Variants in EIF2AK3 observed in about 807,000 individuals in gnomAD.
The protein encoded by EIF2AK3 is eukaryotic translation initiation factor 2-alpha kinase 3.
Under a neutral mutation model 113.5 loss-of-function variants are expected in EIF2AK3, and 50 were observed. That is an observed-to-expected ratio of 0.44 (90% CI 0.35 to 0.56). The LOEUF is 0.56. EIF2AK3 is among the 20% of genes least tolerant of loss of function. EIF2AK3 has a pLI of 0.00. For missense variants in EIF2AK3, 1,185 were observed against 1,378.0 expected, an observed-to-expected ratio of 0.86 and a Z score of 2.22; for synonymous variants, 448 against 495.4, an observed-to-expected ratio of 0.90 and a Z score of 1.27.
Position 88,579,543 on chromosome 2 carries a change from T to C in EIF2AK3, c.1861A>G (p.Ile621Val), listed in dbSNP as rs1674546798. 2.5e-6 allele frequency: 4 copies of C among 1,613,858 alleles called. No individual in the cohort carries two copies. Among genetic ancestry groups the C allele is most frequent in the Non-Finnish European group, 3.4e-6 (4 of 1,179,820 alleles). Residue 621 changes from isoleucine (I) to valine (V), a missense_variant, in exon 11 of 17, where the codon ATC becomes GTC. Transcript: ENST00000303236. ...CTATTGGGGAGACGGATCCTCTTGA[T>C]AGCATAATTGCAGTCATCTACTTTG... ...KNKVDDCNYAIKRIRLPNREL... is the reference protein window; with the variant it reads ...KNKVDDCNYAVKRIRLPNREL...
At chr2:88,575,560 C>T in intron 12 of EIF2AK3, 114 bp from the exon 13 acceptor site, 1 of 1,012,782 alleles carries the variant, frequency 9.9e-7, no homozygotes, top group Non-Finnish European at 1.5e-6. Flanking sequence ...TACCAAATGA[C>T]AACAAAACAA....
At position 88,574,980 on chromosome 2, in the gene EIF2AK3, T is replaced by A. The variant is rs1198813637; in HGVS notation, c.2503A>T (p.Asn835Tyr). 1 of 1,614,212 alleles carries A rather than the reference T, an allele frequency of 6.2e-7. No homozygotes were observed. Among genetic ancestry groups the A allele is most frequent in the East Asian group, 2.2e-5 (1 of 44,886 alleles). The change falls in exon 13 of 17, where the codon AAT (asparagine) becomes TAT (tyrosine). Residue 835 changes from asparagine to tyrosine, a missense_variant. Around this residue, in one of 3 missense-constraint regions of EIF2AK3, gnomAD observed 877 missense variants for 1,024.2 expected, o/e 0.86. Transcript: ENST00000303236. The stretch of plus-strand genomic sequence containing the variant: ...GTGGGCTTGAAAGCAGTTAGTTTAT[T>A]AGCACAATGGTTGCCAATATGCAAT... ...NRLHIGNHCA[N>Y]KLTAFKPTSS...
intron 12 of EIF2AK3, 143 bp downstream of exon 12, chr2:88,576,411 C>T (rs1674457901): frequency 8.2e-7 from 1 of 1,214,586 alleles, no homozygotes; most frequent in Non-Finnish European, 1.1e-6. Flanking sequence ...TCACAAGTGG[C>T]TAGAGAACTT....
At chr2:88,601,635 G>C (rs1254165614) in intron 2 of EIF2AK3, among the ~76,000 whole-genome samples, 2 of 152,126 alleles carry the variant, frequency 1.3e-5, no homozygotes, top group African/African-American at 4.8e-5. Context: ...GAGGCACATA[G>C]TGTTTGCATG....
chr2:88,566,775 T>A (rs1001248549), intron 14 of EIF2AK3, among the ~76,000 whole-genome samples: 1 of 152,024 alleles, frequency 6.6e-6, no homozygotes, highest in African/African-American at 2.4e-5. Flanking sequence ...TAGTGACACC[T>A]CATCTCCACA....
At chr2:88,565,197 C>T (rs974236606) in intron 14 of EIF2AK3, among the ~76,000 whole-genome samples, 25 of 151,586 alleles carry the variant, frequency 1.6e-4, no homozygotes, top group African/African-American at 5.6e-4. Flanking sequence ...CCATCATGCC[C>T]GGTAATTTTT....
intron 3 of EIF2AK3, among the ~76,000 whole-genome samples, chr2:88,595,206 C>CAAAAAAAAAAAAAAAAAAAAAAAAAAAA (rs11339424): frequency 1.7e-5 from 1 of 59,458 alleles, no homozygotes. Flanking sequence ...GACTCTGTCT[C>CAAAAAAAAAAAAAAAAAAAAAAAAAAAA]AAAAAAAAAA....
At chr2:88,608,100 C>T (rs1299400862) in intron 2 of EIF2AK3, among the ~76,000 whole-genome samples, 1 of 151,830 alleles carries the variant, frequency 6.6e-6, no homozygotes, top group African/African-American at 2.4e-5. Flanking sequence ...TACATGGGAT[C>T]CATAATCAAT....
At chr2:88,559,328 ATACT>A (rs1673875855) in intron 15 of EIF2AK3, among the ~76,000 whole-genome samples, 1 of 152,220 alleles carries the variant, frequency 6.6e-6, no homozygotes, top group African/African-American at 2.4e-5. Flanking sequence ...ATACAGTATA[ATACT>A]TATTTACATA....
intron 6 of EIF2AK3, 71 bp from the exon 7 acceptor site, chr2:88,588,972 A>G: frequency 2.0e-6 from 3 of 1,529,398 alleles, no homozygotes; most frequent in South Asian, 2.3e-5. Context: ...AAATAAAATT[A>G]CATTAATTCC....
chr2:88,585,693 T>C (rs1479946982), intron 9 of EIF2AK3, 148 bp downstream of exon 9: 2 of 710,200 alleles, frequency 2.8e-6, no homozygotes, highest in Non-Finnish European at 4.7e-6. Flanking sequence ...AAAATGTCCA[T>C]TACATTTAAC....
At chr2:88,579,395 A>AGATTTGAAACGTCTGAAACTGTTT (rs1674541690) in intron 11 of EIF2AK3, 123 bp downstream of exon 11, 2 of 1,351,432 alleles carry the variant, frequency 1.5e-6, no homozygotes, top group Non-Finnish European at 1.0e-6. Context: ...TTAGAACCTA[A>AGATTTGAAACGTCTGAAACTGTTT]GATTTGAAAC....
intron 11 of EIF2AK3, among the ~76,000 whole-genome samples, chr2:88,578,676 T>C (rs1323258389): frequency 2.0e-5 from 3 of 148,264 alleles, no homozygotes; most frequent in African/African-American, 5.0e-5. Context: ...TGCAAGACCC[T>C]GTCTCAAAAA....
intron 11 of EIF2AK3, 54 bp from the exon 12 acceptor site, chr2:88,576,757 T>A: frequency 6.3e-7 from 1 of 1,590,658 alleles, no homozygotes; most frequent in Non-Finnish European, 8.6e-7. Context: ...ACTGATTTGA[T>A]CTTTACAAAT....
intron 1 of EIF2AK3, among the ~76,000 whole-genome samples, chr2:88,618,404 C>T (rs1675638137): frequency 6.6e-6 from 1 of 152,196 alleles, no homozygotes; most frequent in Admixed American, 6.5e-5. Flanking sequence ...GGGTGTACAT[C>T]CCCAAGGCTC....
At chr2:88,573,970 A>C (rs1353043828) in intron 13 of EIF2AK3, among the ~76,000 whole-genome samples, 1 of 152,222 alleles carries the variant, frequency 6.6e-6, no homozygotes, top group African/African-American at 2.4e-5. Context: ...TTATTTTTAG[A>C]AACACTACTA....
chr2:88,559,773 C>T (rs1021065116), intron 15 of EIF2AK3, among the ~76,000 whole-genome samples: 14 of 152,086 alleles, frequency 9.2e-5, no homozygotes, highest in African/African-American at 9.7e-5. Context: ...ATCTACGTTG[C>T]GGCACATGTT....
chr2:88,614,601 C>T (rs1675528887), intron 1 of EIF2AK3, among the ~76,000 whole-genome samples: 1 of 152,150 alleles, frequency 6.6e-6, no homozygotes, highest in Non-Finnish European at 1.5e-5. Flanking sequence ...AACCACCAAC[C>T]CCTCTCTTTT....
intron 2 of EIF2AK3, among the ~76,000 whole-genome samples, chr2:88,598,253 G>GGTC (rs1675066821): frequency 6.6e-6 from 1 of 152,074 alleles, no homozygotes; most frequent in Admixed American, 6.6e-5. Flanking sequence ...GTAAAGACTG[G>GGTC]GTCATACCAG....
Sources: gnomAD v4.1 joint callset for allele counts (sites outside exome capture counted in the v4.1 genomes callset) on GRCh38, gnomAD v4.1.1 for gene constraint, gnomAD v4.1.1 regional missense constraint, MANE v1.5 for transcripts, NCBI Gene and HGNC (gene_info 2026-07-23, HGNC 2026-07-21) for gene names.